The following ATF7 variants were observed in gnomAD, a reference collection of about 807,000 sequenced individuals.
ATF7 encodes the protein activating transcription factor 7, also known as cyclic AMP-dependent transcription factor ATF-7.
Under a neutral mutation model 50.4 loss-of-function variants are expected in ATF7, and 10 were observed. The ratio of observed to expected loss-of-function variants is 0.20; its 90% CI spans 0.12 to 0.34. ATF7 has a LOEUF of 0.34. Ranked by LOEUF, ATF7 falls within the 10% of genes least tolerant of loss-of-function variation. The probability of loss-of-function intolerance (pLI) is 1.00; values close to 1 mark genes in which losing one functional copy is unlikely to be tolerated. For synonymous variants in ATF7, 201 were observed against 226.4 expected (o/e 0.89, Z 1.01); for missense variants, 465 against 613.9 (o/e 0.76, Z 2.56).
At chr12:53,588,695 G>A (rs1447857119) in intron 2 of ATF7, among the ~76,000 whole-genome samples, 3 of 152,222 alleles carry the variant, frequency 2.0e-5, no homozygotes, top group Non-Finnish European at 4.4e-5. Context: ...GGGCCTATTA[G>A]TAGAGGATGC....
intron 4 of ATF7, among the ~76,000 whole-genome samples, chr12:53,540,043 G>A (rs1278371990): frequency 2.0e-5 from 3 of 151,962 alleles, no homozygotes; most frequent in Non-Finnish European, 4.4e-5. Flanking sequence ...GGGCAGCAGA[G>A]TGAGGCTCTG....
At chr12:53,547,551 G>A (rs374607054) in intron 3 of ATF7, among the ~76,000 whole-genome samples, 2 of 151,946 alleles carry the variant, frequency 1.3e-5, no homozygotes. Context: ...CTCCCAAAGT[G>A]CTGGGATTGT....
intron 1 of ATF7, among the ~76,000 whole-genome samples, chr12:53,601,918 T>C (rs1277659985): frequency 6.6e-6 from 1 of 152,200 alleles, no homozygotes; most frequent in Admixed American, 6.5e-5. Context: ...TTATAAATTA[T>C]TGAAGCTAAA....
chr12:53,601,995 A>C (rs776309371), intron 1 of ATF7, among the ~76,000 whole-genome samples: 9 of 152,232 alleles, frequency 5.9e-5, no homozygotes, highest in Non-Finnish European at 8.8e-5. Flanking sequence ...TGTGGGAGAA[A>C]TTTCTCATAT....
At chr12:53,537,679 C>T (rs1939303164) in intron 4 of ATF7, 127 bp from the exon 5 acceptor site, 5 of 1,078,634 alleles carry the variant, frequency 4.6e-6, no homozygotes, top group East Asian at 2.6e-5. Context: ...ATGCACTGAA[C>T]TGCATGTCAA....
chr12:53,570,451 T>C (rs902255842), intron 2 of ATF7, among the ~76,000 whole-genome samples: 6 of 152,174 alleles, frequency 3.9e-5, no homozygotes, highest in Non-Finnish European at 7.3e-5. Flanking sequence ...AGGTAACAAC[T>C]CACTACAGTA....
At chr12:53,612,783 C>T (rs1278074222) in intron 1 of ATF7, among the ~76,000 whole-genome samples, 2 of 152,292 alleles carry the variant, frequency 1.3e-5, no homozygotes, top group East Asian at 3.9e-4. Context: ...GTGGGCAGAT[C>T]ACCTGCAGCC....
intron 3 of ATF7, among the ~76,000 whole-genome samples, chr12:53,546,196 AAAAC>A (rs148932395): frequency 6.9e-4 from 105 of 151,594 alleles, no homozygotes; most frequent in Middle Eastern, 6.8e-3. Context: ...CCATCTCAAA[AAAAC>A]AAACAAACAA....
chr12:53,542,905 T>A, intron 4 of ATF7: 1 of 1,019,290 alleles, frequency 9.8e-7, no homozygotes, highest in Admixed American at 5.5e-5. Context: ...ATTTGATAAA[T>A]GTTTATTGAC....
At chr12:53,565,995 A>G (rs1374042574) in intron 2 of ATF7, among the ~76,000 whole-genome samples, 1 of 152,150 alleles carries the variant, frequency 6.6e-6, no homozygotes. Context: ...CACATCTTAC[A>G]TGGCAGTAGG....
At chr12:53,543,570 G>A in intron 3 of ATF7, 122 bp from the exon 4 acceptor site, 1 of 1,148,158 alleles carries the variant, frequency 8.7e-7, no homozygotes, top group Non-Finnish European at 1.2e-6. Flanking sequence ...TTTGTGTTAG[G>A]GCAAATTTGC....
Position 53,594,583 on chromosome 12 carries a change from A to G in ATF7, c.48+6370T>C, listed in dbSNP as rs749371045. Reference sequence around the variant, plus strand: ...TTTAATTCCTGCTCTTAGCATGTCTACATTTTAAAAATTCCAGTCCCAGGC... The same window carrying G: ...TTTAATTCCTGCTCTTAGCATGTCTGCATTTTAAAAATTCCAGTCCCAGGC... On this transcript the variant is annotated intron_variant, in intron 2 of 11. Coordinates refer to ENST00000420353, the MANE Select transcript of ATF7 (RefSeq NM_006856.3). Among the ~76,000 whole-genome samples, 8 of 152,236 alleles carry G rather than the reference A, an allele frequency of 5.3e-5. No individual in the cohort carries two copies. The South Asian group carries it at 1.7e-3, about 32-fold the overall frequency.
chr12:53,590,392 C>T (rs1383532501), intron 2 of ATF7, among the ~76,000 whole-genome samples: 3 of 152,152 alleles, frequency 2.0e-5, no homozygotes, highest in African/African-American at 7.2e-5. Flanking sequence ...TAATGTTCTT[C>T]AATCATATAT....
At chr12:53,528,147 T>C (rs1938591436) in intron 9 of ATF7, among the ~76,000 whole-genome samples, 1 of 151,880 alleles carries the variant, frequency 6.6e-6, no homozygotes, top group Non-Finnish European at 1.5e-5. Flanking sequence ...GGCCAAGAAA[T>C]AATTTTTTAA....
chr12:53,561,835 A>G (rs186410729), intron 2 of ATF7, among the ~76,000 whole-genome samples: 411 of 152,348 alleles, frequency 2.7e-3, no homozygotes, highest in Non-Finnish European at 4.7e-3. Context: ...TTCAACAAAT[A>G]AAATACAACC....
chr12:53,529,730 C>CACACACACACACAT (rs1202405363), intron 9 of ATF7, among the ~76,000 whole-genome samples: 6 of 147,808 alleles, frequency 4.1e-5, no homozygotes, highest in Non-Finnish European at 7.4e-5. Context: ...CACACACACA[C>CACACACACACACAT]ACACATATAT....
chr12:53,578,124 G>A lies in ATF7; in HGVS notation c.48+22829C>T, dbSNP rs116143079. The stretch of plus-strand genomic sequence containing the variant: ...AAAGGCCACATGTGGTGTGGCTCAC[G>A]TCTATAATCCCAGCACGGCAGATGG... On this transcript the variant is annotated intron_variant, in intron 2 of 11. Coordinates refer to ENST00000420353, the MANE Select transcript of ATF7 (RefSeq NM_006856.3). Among the ~76,000 whole-genome samples, 1,218 of 152,234 alleles carry A rather than the reference G, an allele frequency of 8.0e-3. 16 individuals carry two copies. The highest frequency in any genetic ancestry group is 0.028 in the African/African-American group (1,158 of 41,538).
chr12:53,546,975 CTCTT>C (rs1939966904), intron 3 of ATF7, among the ~76,000 whole-genome samples: 1 of 140,984 alleles, frequency 7.1e-6, no homozygotes, highest in African/African-American at 2.7e-5. Context: ...CCCAGGCTGG[CTCTT>C]TTTTTTTTTT....
At chr12:53,553,815 T>G (rs2137514150) in intron 2 of ATF7, among the ~76,000 whole-genome samples, 1 of 152,372 alleles carries the variant, frequency 6.6e-6, no homozygotes, top group South Asian at 2.1e-4. Flanking sequence ...CGTGTATACT[T>G]CTCACCAAAT....
Sources: gnomAD v4.1 joint callset for allele counts (sites outside exome capture counted in the v4.1 genomes callset) on GRCh38, gnomAD v4.1.1 for gene constraint, MANE v1.5 for transcripts, NCBI Gene and HGNC (gene_info 2026-07-23, HGNC 2026-07-21) for gene names.